Variants in TMEM185A observed in about 807,000 individuals in gnomAD.
TMEM185A encodes the protein family with sequence similarity 11, member A.
A neutral mutation model predicts 25.0 loss-of-function variants in TMEM185A; 9 were observed. The observed-to-expected ratio is 0.36, with a 90% CI of 0.22 to 0.63. The LOEUF (loss-of-function observed/expected upper bound fraction) is 0.63. Among genes scored for constraint, TMEM185A ranks in the 20% least tolerant of loss-of-function variants. The pLI is 0.68. For missense variants in TMEM185A, 103 were observed against 237.4 expected, an observed-to-expected ratio of 0.43 and a Z score of 3.72; for synonymous variants, 45 against 93.5, an observed-to-expected ratio of 0.48 and a Z score of 2.99.
chrX:149,617,176 T>C lies in TMEM185A; in HGVS notation c.39-5713A>G, dbSNP rs2090114662. ...AAAACTATAAAATGTCCAAAACACA[T>C]ATGAAAAAAAAATACTTGCAACCTA... is the stretch of plus-strand genomic sequence containing the variant. On this transcript the variant is annotated intron_variant, in intron 1 of 6. Transcript: ENST00000600449. Among the ~76,000 whole-genome samples the C allele has an allele frequency of 2.7e-5, 3 of 111,034 alleles. No homozygotes were observed. The South Asian group carries it at 1.1e-3, about 41-fold the overall frequency.
chrX:149,617,898 T>A (rs2124224597), intron 1 of TMEM185A, among the ~76,000 whole-genome samples: 1 of 112,153 alleles, frequency 8.9e-6, no homozygotes, highest in East Asian at 2.8e-4. Flanking sequence ...TAAAATGCAC[T>A]ATAAGTAAAA....
intron 1 of TMEM185A, among the ~76,000 whole-genome samples, chrX:149,612,836 G>A (rs1019062956): frequency 8.9e-6 from 1 of 111,968 alleles, no homozygotes; most frequent in South Asian, 3.7e-4. Flanking sequence ...TTGCTGTCAC[G>A]CAGCAGCTGA....
intron 1 of TMEM185A, among the ~76,000 whole-genome samples, chrX:149,615,932 A>G (rs1203433781): frequency 8.9e-6 from 1 of 112,350 alleles, no homozygotes; most frequent in Non-Finnish European, 1.9e-5. Context: ...TCAGGATGCC[A>G]GCATGGCTGG....
intron 1 of TMEM185A, among the ~76,000 whole-genome samples, chrX:149,631,111 C>A (rs1190417378): frequency 9.1e-6 from 1 of 110,433 alleles, no homozygotes; most frequent in African/African-American, 3.3e-5. Context: ...CCAAGGACTG[C>A]GAGGAACTGG....
intron 1 of TMEM185A, among the ~76,000 whole-genome samples, chrX:149,629,372 T>C (rs1261161345): frequency 1.8e-5 from 2 of 111,386 alleles, no homozygotes; most frequent in Non-Finnish European, 3.8e-5. Context: ...ACCCCTCAGT[T>C]TTCTTTCTCC....
chrX:149,619,842 T>G (rs1201453927), intron 1 of TMEM185A, among the ~76,000 whole-genome samples: 3 of 112,055 alleles, frequency 2.7e-5, no homozygotes, highest in African/African-American at 9.7e-5. Flanking sequence ...TCATCATTTT[T>G]TATGGCTGTA....
chrX:149,604,127 G>A, intron 3 of TMEM185A, 57 bp from the exon 4 acceptor site: 1 of 840,168 alleles, frequency 1.2e-6, no homozygotes, highest in Non-Finnish European at 1.8e-6. Flanking sequence ...TAATACTGCA[G>A]TAATTTGGTT....
At chrX:149,602,067 T>C (rs782003480) in intron 4 of TMEM185A, 1 of 84,332 alleles carries the variant, frequency 1.2e-5, no homozygotes, top group South Asian at 7.3e-4. Context: ...TTTTTCGCCA[T>C]GTGTATATCC....
At chrX:149,615,833 G>A (rs1380593513) in intron 1 of TMEM185A, among the ~76,000 whole-genome samples, 2 of 112,068 alleles carry the variant, frequency 1.8e-5, no homozygotes, top group African/African-American at 6.5e-5. Flanking sequence ...CCTATATACT[G>A]AAACCTACAA....
intron 1 of TMEM185A, among the ~76,000 whole-genome samples, chrX:149,625,298 T>C (rs1302575805): frequency 1.8e-5 from 2 of 112,338 alleles, no homozygotes; most frequent in African/African-American, 3.2e-5. Flanking sequence ...AGATGTCTAT[T>C]TGTACCCAAC....
rs1214896360 is a variant in TMEM185A, at chrX:149,597,220, C to CGG, written c.*789_*790dup. 1 of 48,311 alleles carries CGG rather than the reference C, an allele frequency of 2.1e-5. No individual in the cohort carries two copies. Among genetic ancestry groups the CGG allele is most frequent in the Non-Finnish European group, 5.1e-5 (1 of 19,584 alleles). The allele number at this position is 48,311 out of a possible 1,213,427, so 4.0% of individuals were successfully genotyped here. On this transcript the variant is annotated 3_prime_UTR_variant, in exon 7 of 7. Coordinates refer to ENST00000600449, the MANE Select transcript of TMEM185A (RefSeq NM_032508.4). ...TGTCCCATGAAGGCGTGGCACCCCACGGGGGGGGGGGGAGTGTGCCACGGG... is the reference window on the plus strand; with the variant it reads ...TGTCCCATGAAGGCGTGGCACCCCACGGGGGGGGGGGGGGAGTGTGCCACGGG...
At chrX:149,614,473 A>T (rs2124219944) in intron 1 of TMEM185A, among the ~76,000 whole-genome samples, 1 of 111,762 alleles carries the variant, frequency 8.9e-6, no homozygotes, top group African/African-American at 3.2e-5. Flanking sequence ...TCAAGTCAAT[A>T]ATCTAAGATT....
At chrX:149,613,626 T>C (rs1557354736) in intron 1 of TMEM185A, among the ~76,000 whole-genome samples, 1 of 112,530 alleles carries the variant, frequency 8.9e-6, no homozygotes. Context: ...ATCTGAGTTG[T>C]GCTGTACCCG....
At chrX:149,630,834 G>C (rs1348136513) in intron 1 of TMEM185A, among the ~76,000 whole-genome samples, 2 of 111,514 alleles carry the variant, frequency 1.8e-5, no homozygotes, top group African/African-American at 6.5e-5. Context: ...ACAGGCGCTT[G>C]AGTGCTTAGC....
At position 149,631,735 on chromosome X, in the gene TMEM185A, T is replaced by TCGTCGC. The variant is rs1313134848; in HGVS notation, c.-156_-155insGCGACG. On this transcript the variant is annotated 5_prime_UTR_variant, in exon 1 of 7. Transcript: ENST00000600449. ...GTCCCCGCTGCCGTCGCCGTCGCCG[T>TCGTCGC]CGCCGCCGCCGCCGCCGCCGCCGCC... 1.8e-5 allele frequency: 6 copies of TCGTCGC among 335,595 alleles called. No homozygotes were observed. The highest frequency in any genetic ancestry group is 2.9e-5 in the African/African-American group (1 of 34,994). The allele number at this position is 335,595 out of a possible 1,213,427, so 27.7% of individuals were successfully genotyped here.
rs140590248 is a variant in TMEM185A at position 149,629,895 on chromosome X, G to C, written c.38+1648C>G. On this transcript the variant is annotated intron_variant, in intron 1 of 6. Coordinates refer to ENST00000600449, the MANE Select transcript of TMEM185A (RefSeq NM_032508.4). ...TAGCTTTCTATTTGTAAGGCACTTT[G>C]TAATCAATCCTTAATTGGCCTCCCT... is the stretch of plus-strand genomic sequence containing the variant. Among the ~76,000 whole-genome samples the C allele has an allele frequency of 1.4e-3, 161 of 112,265 alleles. 1 individual carries two copies. The East Asian group carries it at 0.038, about 26-fold the overall frequency.
intron 2 of TMEM185A, among the ~76,000 whole-genome samples, chrX:149,610,389 T>C (rs782142414): frequency 5.3e-4 from 45 of 85,701 alleles, no homozygotes; most frequent in Non-Finnish European, 8.7e-4. Context: ...GATCACACCA[T>C]TGCACTCCAG....
intron 1 of TMEM185A, among the ~76,000 whole-genome samples, chrX:149,627,084 CTT>C: frequency 9.0e-6 from 1 of 111,631 alleles, no homozygotes; most frequent in Non-Finnish European, 1.9e-5. Flanking sequence ...AGCACAGACA[CTT>C]TACGGGTGTC....
chrX:149,599,446 T>C lies in TMEM185A; in HGVS notation c.808+108A>G, dbSNP rs1436235089. On this transcript the variant is annotated intron_variant, in intron 6 of 6. Transcript: ENST00000600449. ...TCACTTTCCCACACAAGCTTCTAAA[T>C]TGGGGCCCTCGGGGACTCATCCCTT... is the stretch of plus-strand genomic sequence containing the variant. 2.6e-5 allele frequency: 16 copies of C among 609,464 alleles called. No individual in the cohort carries two copies. The East Asian group carries it at 4.3e-4, about 17-fold the overall frequency. The allele number at this position is 609,464 out of a possible 1,213,427, so 50.2% of individuals were successfully genotyped here.
Sources: gnomAD v4.1 joint callset for allele counts (sites outside exome capture counted in the v4.1 genomes callset) on GRCh38, gnomAD v4.1.1 for gene constraint, MANE v1.5 for transcripts, NCBI Gene and HGNC (gene_info 2026-07-23, HGNC 2026-07-21) for gene names.